The following CDYL2 variants were observed in gnomAD, a reference collection of about 807,000 sequenced individuals.
The protein encoded by CDYL2 is chromodomain Y-like protein 2.
Under a neutral mutation model 49.4 loss-of-function variants are expected in CDYL2, and 23 were observed. The ratio of observed to expected loss-of-function variants is 0.47; its 90% CI spans 0.34 to 0.66. The LOEUF (loss-of-function observed/expected upper bound fraction) is 0.66. Ranked by LOEUF, CDYL2 falls within the 30% of genes least tolerant of loss-of-function variation. The probability of loss-of-function intolerance (pLI) is 0.01; values close to 1 mark genes in which losing one functional copy is unlikely to be tolerated. For missense variants in CDYL2, 678 were observed against 656.4 expected (o/e 1.03, Z -0.36); for synonymous variants, 360 against 268.8 (o/e 1.34, Z -3.32).
chr16:80,658,950 C>T (rs1437252232), intron 2 of CDYL2, among the ~76,000 whole-genome samples: 1 of 152,052 alleles, frequency 6.6e-6, no homozygotes, highest in East Asian at 1.9e-4. Context: ...TCCCACTGGC[C>T]AAATCTTGGA....
intron 2 of CDYL2, among the ~76,000 whole-genome samples, chr16:80,676,356 G>C (rs762072447): frequency 2.6e-5 from 4 of 152,198 alleles, no homozygotes; most frequent in Non-Finnish European, 5.9e-5. Context: ...CTTGAAGTGG[G>C]TCAGGAAGAA....
intron 1 of CDYL2, among the ~76,000 whole-genome samples, chr16:80,739,297 T>C (rs567958841): frequency 1.3e-5 from 2 of 152,164 alleles, no homozygotes; most frequent in Non-Finnish European, 2.9e-5. Flanking sequence ...AGATTCAGTT[T>C]TGCAAGATGA....
chr16:80,778,080 G>A (rs1004317009), intron 1 of CDYL2, among the ~76,000 whole-genome samples: 2 of 151,964 alleles, frequency 1.3e-5, no homozygotes, highest in East Asian at 1.9e-4. Context: ...ACTCCAGTAA[G>A]TATCAAAAAT....
intron 5 of CDYL2, among the ~76,000 whole-genome samples, 172 bp from the exon 6 acceptor site, chr16:80,608,407 G>T (rs142194846): frequency 6.6e-6 from 1 of 152,154 alleles, no homozygotes; most frequent in Non-Finnish European, 1.5e-5. Context: ...GGAAATGTTC[G>T]TGTGCATGAG....
chr16:80,628,572 A>G (rs1907407051), intron 3 of CDYL2, among the ~76,000 whole-genome samples: 2 of 152,248 alleles, frequency 1.3e-5, no homozygotes, highest in Non-Finnish European at 2.9e-5. Flanking sequence ...CTTGAGCTGG[A>G]AGCATCTGGC....
At chr16:80,608,042 T>A in intron 6 of CDYL2, 50 bp downstream of exon 6, 4 of 1,516,092 alleles carry the variant, frequency 2.6e-6, no homozygotes, top group Non-Finnish European at 3.6e-6. Flanking sequence ...TCTTCATGTG[T>A]AAAATGGGTC....
intron 3 of CDYL2, 77 bp from the exon 4 acceptor site, chr16:80,621,012 C>G: frequency 1.4e-6 from 2 of 1,432,846 alleles, no homozygotes; most frequent in Non-Finnish European, 9.3e-7. Flanking sequence ...GCAAGACAGC[C>G]AGAGGCCTGA....
chr16:80,771,602 G>C (rs1906907590), intron 1 of CDYL2, among the ~76,000 whole-genome samples: 1 of 152,118 alleles, frequency 6.6e-6, no homozygotes. Context: ...CTTCTTGTGA[G>C]GCTGAGGCAG....
At chr16:80,700,271 G>A (rs898330709) in intron 1 of CDYL2, among the ~76,000 whole-genome samples, 5 of 152,124 alleles carry the variant, frequency 3.3e-5, no homozygotes, top group East Asian at 1.9e-4. Context: ...CAAAAAATGC[G>A]TTTTAAGACT....
At chr16:80,729,583 G>C (rs1256968174) in intron 1 of CDYL2, among the ~76,000 whole-genome samples, 1 of 152,016 alleles carries the variant, frequency 6.6e-6, no homozygotes, top group African/African-American at 2.4e-5. Flanking sequence ...ATTGAACTCA[G>C]CTCTGCACCA....
chr16:80,720,207 C>T (rs1438597211), intron 1 of CDYL2, among the ~76,000 whole-genome samples: 4 of 152,164 alleles, frequency 2.6e-5, no homozygotes, highest in Non-Finnish European at 5.9e-5. Flanking sequence ...GCCCTTCTTC[C>T]AGTTCCCCTC....
intron 5 of CDYL2, among the ~76,000 whole-genome samples, chr16:80,610,162 A>C (rs1906530798): frequency 6.6e-6 from 1 of 152,188 alleles, no homozygotes; most frequent in Non-Finnish European, 1.5e-5. Flanking sequence ...TATCAGCCTC[A>C]CTATTGCAAC....
chr16:80,707,504 C>G (rs544930130), intron 1 of CDYL2, among the ~76,000 whole-genome samples: 1 of 152,100 alleles, frequency 6.6e-6, no homozygotes, highest in Non-Finnish European at 1.5e-5. Context: ...AAACCTTGAA[C>G]AAGACCATCC....
At chr16:80,724,142 AAAGAAGAGAAAG>A (rs1905089647) in intron 1 of CDYL2, among the ~76,000 whole-genome samples, 1 of 150,918 alleles carries the variant, frequency 6.6e-6, no homozygotes, top group Non-Finnish European at 1.5e-5. Context: ...AGGAGATAAA[AAAGAAGAGAAAG>A]AAGAAGAGGA....
At chr16:80,649,538 A>G (rs1908496147) in intron 2 of CDYL2, among the ~76,000 whole-genome samples, 1 of 152,176 alleles carries the variant, frequency 6.6e-6, no homozygotes, top group South Asian at 2.1e-4. Context: ...TAAAATGGCC[A>G]TACTACCCAA....
intron 1 of CDYL2, among the ~76,000 whole-genome samples, chr16:80,727,224 A>G (rs1905192088): frequency 6.6e-6 from 1 of 152,240 alleles, no homozygotes; most frequent in African/African-American, 2.4e-5. Flanking sequence ...CAGTGGGCAC[A>G]GGTCACTGGG....
rs181073100 is a variant in CDYL2 at position 80,723,566 on chromosome 16, A to C, written c.25-38437T>G. Among the ~76,000 whole-genome samples the C allele has an allele frequency of 3.9e-5, 6 of 152,302 alleles. No individual in the cohort carries two copies. The East Asian group carries it at 1.2e-3, about 29-fold the overall frequency. Reference sequence around the variant, plus strand: ...GCCCCAGCACACTGATCTTATCCCAATGAGATACTGATTCCACAGGATAGT... The same window carrying C: ...GCCCCAGCACACTGATCTTATCCCACTGAGATACTGATTCCACAGGATAGT... On this transcript the variant is annotated intron_variant, in intron 1 of 6. Transcript: ENST00000570137.
At chr16:80,746,056 A>G (rs1302481886) in intron 1 of CDYL2, among the ~76,000 whole-genome samples, 2 of 152,202 alleles carry the variant, frequency 1.3e-5, no homozygotes, top group African/African-American at 4.8e-5. Context: ...CTTGGAATGT[A>G]AAGAGTGGAT....
intron 1 of CDYL2, among the ~76,000 whole-genome samples, chr16:80,771,325 G>A (rs1019969006): frequency 6.6e-6 from 1 of 152,222 alleles, no homozygotes; most frequent in South Asian, 2.1e-4. Flanking sequence ...GGGGACTCCA[G>A]ATGTTGAAAT....
Sources: gnomAD v4.1 joint callset for allele counts (sites outside exome capture counted in the v4.1 genomes callset) on GRCh38, gnomAD v4.1.1 for gene constraint, MANE v1.5 for transcripts, NCBI Gene and HGNC (gene_info 2026-07-23, HGNC 2026-07-21) for gene names.